The following MAGI2 variants were observed in gnomAD, a reference collection of about 807,000 sequenced individuals.
The protein encoded by MAGI2 is membrane-associated guanylate kinase, WW and PDZ domain-containing protein 2.
A neutral mutation model predicts 133.3 loss-of-function variants in MAGI2; 35 were observed. The observed-to-expected ratio is 0.26, with a 90% CI of 0.20 to 0.35. The LOEUF (loss-of-function observed/expected upper bound fraction) is 0.35. MAGI2 is among the 10% of genes least tolerant of loss of function. The pLI, the probability that MAGI2 is intolerant of heterozygous loss-of-function variation, is 1.00. For synonymous variants in MAGI2, 729 were observed against 710.6 expected (o/e 1.03, Z -0.41); for missense variants, 1,636 against 1,863.4 (o/e 0.88, Z 2.25).
At chr7:78,624,646 G>A (rs1563258930) in intron 3 of MAGI2, among the ~76,000 whole-genome samples, 1 of 152,048 alleles carries the variant, frequency 6.6e-6, no homozygotes, top group Non-Finnish European at 1.5e-5. Flanking sequence ...GGCCTTTTGG[G>A]CGGGTGCTGA....
chr7:78,351,780 TCTA>T (rs1302636946), intron 7 of MAGI2: 1 of 152,076 alleles, frequency 6.6e-6, no homozygotes, highest in East Asian at 1.9e-4. Flanking sequence ...TAATTTTTTC[TCTA>T]CTGTCATGTT....
chr7:78,131,424 A>G (rs757562), intron 18 of MAGI2, among the ~76,000 whole-genome samples: 130,367 of 152,208 alleles, frequency 0.86, 56,221 homozygotes, highest in African/African-American at 0.91. Context: ...AACACAGTTT[A>G]CTTTGCAACA....
intron 18 of MAGI2, 53 bp from the exon 19 acceptor site, chr7:78,127,469 T>A: frequency 6.4e-6 from 9 of 1,417,318 alleles, no homozygotes; most frequent in Non-Finnish European, 8.9e-6. Flanking sequence ...CTAAAGAGGC[T>A]AGAGTGATCA....
intron 1 of MAGI2, among the ~76,000 whole-genome samples, chr7:79,300,500 T>C (rs1837310650): frequency 6.6e-6 from 1 of 152,180 alleles, no homozygotes; most frequent in South Asian, 2.1e-4. Context: ...AGCTTTCAAG[T>C]TGTGACCTGG....
At chr7:78,308,409 T>C (rs1220732678) in intron 9 of MAGI2, among the ~76,000 whole-genome samples, 2 of 152,194 alleles carry the variant, frequency 1.3e-5, no homozygotes, top group East Asian at 1.9e-4. Flanking sequence ...TATTTCTGCA[T>C]ACTGAAGTGT....
At chr7:78,394,872 T>TA (rs1796202807) in intron 6 of MAGI2, among the ~76,000 whole-genome samples, 1 of 152,210 alleles carries the variant, frequency 6.6e-6, no homozygotes, top group South Asian at 2.1e-4. Flanking sequence ...ACATGACTTA[T>TA]AAAACCTACA....
At chr7:78,260,886 C>G (rs1793452365) in intron 9 of MAGI2, among the ~76,000 whole-genome samples, 1 of 152,090 alleles carries the variant, frequency 6.6e-6, no homozygotes, top group African/African-American at 2.4e-5. Context: ...TTTTTTCTTT[C>G]TTAGTCATGG....
At chr7:79,132,560 G>T (rs889432216) in intron 1 of MAGI2, among the ~76,000 whole-genome samples, 20 of 152,078 alleles carry the variant, frequency 1.3e-4, no homozygotes, top group African/African-American at 4.6e-4. Flanking sequence ...CACTTAGGTT[G>T]GTTCCACATC....
intron 2 of MAGI2, among the ~76,000 whole-genome samples, chr7:78,768,915 AC>A (rs149935985): frequency 0.012 from 1,842 of 152,270 alleles, 45 homozygotes; most frequent in African/African-American, 0.042. Context: ...ACAATAGAGA[AC>A]CGATTTCGCA....
intron 2 of MAGI2, among the ~76,000 whole-genome samples, chr7:78,832,888 T>C (rs773638375): frequency 1.3e-5 from 2 of 152,150 alleles, no homozygotes; most frequent in Non-Finnish European, 2.9e-5. Context: ...GAAAGGCAGA[T>C]GTTCATAGCT....
At chr7:78,380,976 A>G (rs1234225431) in intron 6 of MAGI2, among the ~76,000 whole-genome samples, 2 of 152,202 alleles carry the variant, frequency 1.3e-5, no homozygotes, top group Admixed American at 1.3e-4. Context: ...GATGGAAATG[A>G]GCCCCATCTT....
chr7:79,204,646 C>T (rs1828886059), intron 1 of MAGI2, among the ~76,000 whole-genome samples: 1 of 151,890 alleles, frequency 6.6e-6, no homozygotes, highest in Non-Finnish European at 1.5e-5. Flanking sequence ...ATATAACCTG[C>T]TTGACAAAGA....
intron 6 of MAGI2, among the ~76,000 whole-genome samples, chr7:78,459,384 C>A (rs1789718333): frequency 6.6e-6 from 1 of 152,130 alleles, no homozygotes; most frequent in Non-Finnish European, 1.5e-5. Flanking sequence ...GTTTATGGCT[C>A]ATTTCCTTTT....
intron 1 of MAGI2, among the ~76,000 whole-genome samples, chr7:79,397,226 G>A (rs373097584): frequency 1.7e-4 from 25 of 149,684 alleles, no homozygotes; most frequent in African/African-American, 4.9e-4. Context: ...GTATATATGC[G>A]TGTGTATATT....
Position 78,018,875 on chromosome 7 carries a change from T to G in MAGI2, c.*440A>C. ...ATCAATTAAAAGATATAATCTTGTC[T>G]CAGTTTCAGCTTGCTCCGTGCAGTT... On this transcript the variant is annotated 3_prime_UTR_variant, in exon 22 of 22. Transcript: ENST00000354212. 2.9e-6 allele frequency: 1 copy of G among 350,652 alleles called. No homozygotes were observed. The highest frequency in any genetic ancestry group is 5.1e-6 in the Non-Finnish European group (1 of 196,152). The allele number at this position is 350,652 out of a possible 1,614,324, so 21.7% of individuals were successfully genotyped here. A position where few individuals can be genotyped will look rare whatever the true frequency, so the allele number is the denominator to read the frequency against.
chr7:78,494,130 T>C (rs1793879532), intron 5 of MAGI2, among the ~76,000 whole-genome samples: 1 of 151,962 alleles, frequency 6.6e-6, no homozygotes. Flanking sequence ...TACAGGTGCA[T>C]GCCACATACC....
At chr7:78,032,006 C>T (rs740217) in intron 21 of MAGI2, among the ~76,000 whole-genome samples, 22,741 of 124,788 alleles carry the variant, frequency 0.18, 1,825 homozygotes, top group South Asian at 0.32. Flanking sequence ...CAAAGCCCCC[C>T]CACTTTTTTT....
intron 1 of MAGI2, among the ~76,000 whole-genome samples, chr7:79,261,558 A>G (rs891474673): frequency 9.9e-5 from 15 of 151,642 alleles, no homozygotes; most frequent in Admixed American, 3.3e-4. Flanking sequence ...CTTCTCAGTC[A>G]CCTCCCTCTG....
intron 2 of MAGI2, among the ~76,000 whole-genome samples, chr7:78,907,449 G>C (rs756501714): frequency 1.3e-5 from 2 of 152,098 alleles, no homozygotes; most frequent in Non-Finnish European, 2.9e-5. Flanking sequence ...TAAAATCTGG[G>C]TGGTGAATCT....
Sources: allele counts gnomAD v4.1 joint callset (sites outside exome capture counted in the v4.1 genomes callset), GRCh38; gene constraint gnomAD v4.1.1; transcripts MANE v1.5; gene names NCBI Gene and HGNC (gene_info 2026-07-23, HGNC 2026-07-21).